The following TTC7A variants were observed in gnomAD, a reference collection of about 807,000 sequenced individuals.
The protein encoded by TTC7A is tetratricopeptide repeat domain 7A, also known as tetratricopeptide repeat protein 7A.
Under a neutral mutation model 103.7 loss-of-function variants are expected in TTC7A, and 110 were observed. That is an observed-to-expected ratio of 1.06 (90% CI 0.91 to 1.24). TTC7A has a LOEUF of 1.24. Among genes scored for constraint, TTC7A ranks in the 50% most tolerant of loss-of-function variants. The probability of loss-of-function intolerance (pLI) is 0.00; values close to 1 mark genes in which losing one functional copy is unlikely to be tolerated. For missense variants in TTC7A, 1,340 were observed against 1,116.3 expected, an observed-to-expected ratio of 1.20 and a Z score of -2.86; for synonymous variants, 521 against 467.9, an observed-to-expected ratio of 1.11 and a Z score of -1.47.
chr2:46,928,459 TAAA>T (rs35897582), intron 2 of TTC7A, among the ~76,000 whole-genome samples: 1,323 of 81,974 alleles, frequency 0.016, 24 homozygotes, highest in African/African-American at 0.047. Flanking sequence ...AAAGGGAAAT[TAAA>T]AAAAAAAAAA....
Position 47,021,734 on chromosome 2 carries a change from C to T in TTC7A, c.1393-128C>T, listed in dbSNP as rs544325161. ...GATCTCTGGGGCAAGGGAAGCTTCT[C>T]CCTGTGAGAGTAAGGCCCTGTGACC... On this transcript the variant is annotated intron_variant, in intron 11 of 19. Transcript: ENST00000319190. 3.4e-4 allele frequency: 258 copies of T among 754,200 alleles called. 2 individuals are homozygous for T. The South Asian group carries it at 3.8e-3, about 11-fold the overall frequency. 46.7% of individuals were successfully genotyped at this position (754,200 alleles called of 1,614,324 possible). A position where few individuals can be genotyped will look rare whatever the true frequency, so the allele number is the denominator to read the frequency against.
chr2:46,928,027 G>C (rs1188981194), intron 2 of TTC7A, among the ~76,000 whole-genome samples: 1 of 150,190 alleles, frequency 6.7e-6, no homozygotes, highest in East Asian at 2.0e-4. Context: ...CTAAGTAGCT[G>C]ACCACTGGCA....
chr2:47,015,414 C>G (rs981855656), intron 11 of TTC7A, among the ~76,000 whole-genome samples: 3 of 152,226 alleles, frequency 2.0e-5, no homozygotes, highest in African/African-American at 7.2e-5. Context: ...CTGATGCCAT[C>G]TCTCACCTCC....
intron 15 of TTC7A, among the ~76,000 whole-genome samples, chr2:47,037,536 A>G (rs1681246299): frequency 6.6e-6 from 1 of 152,236 alleles, no homozygotes; most frequent in African/African-American, 2.4e-5. Flanking sequence ...TGATAGCTCA[A>G]GATCACATAG....
At chr2:46,926,458 G>T (rs570677261) in intron 2 of TTC7A, among the ~76,000 whole-genome samples, 84 of 152,282 alleles carry the variant, frequency 5.5e-4, no homozygotes, top group African/African-American at 1.9e-3. Context: ...TTAAGCCTAT[G>T]GTGAGGATAG....
In TTC7A at chr2:46,916,189, G is replaced by A; in HGVS notation, c.-401G>A. Reference sequence around the variant, plus strand: ...ACAGGGCTCTTGGTTCAGGTCTCTTGGTTCGTCCTGCTGCAAGTTGGGAAG... The same window carrying A: ...ACAGGGCTCTTGGTTCAGGTCTCTTAGTTCGTCCTGCTGCAAGTTGGGAAG... On this transcript the variant is annotated 5_prime_UTR_variant, in exon 1 of 21. Transcript: ENST00000409245. 2.0e-6 allele frequency: 2 copies of A among 981,432 alleles called. 1 individual carries two copies. Among genetic ancestry groups the A allele is most frequent in the South Asian group, 9.4e-5 (2 of 21,224 alleles). 60.8% of individuals were successfully genotyped at this position (981,432 alleles called of 1,614,324 possible). A position where few individuals can be genotyped will look rare whatever the true frequency, so the allele number is the denominator to read the frequency against.
At chr2:46,927,470 C>T (rs1407684007) in intron 2 of TTC7A, among the ~76,000 whole-genome samples, 3 of 151,490 alleles carry the variant, frequency 2.0e-5, no homozygotes, top group Non-Finnish European at 4.4e-5. Flanking sequence ...CATTCTCCCA[C>T]CTCAACCTCC....
At chr2:46,920,470 C>T (rs1000622157) in intron 2 of TTC7A, among the ~76,000 whole-genome samples, 5 of 151,814 alleles carry the variant, frequency 3.3e-5, no homozygotes, top group Non-Finnish European at 7.4e-5. Context: ...GCTGGGATTA[C>T]AGGCAACAAC....
intron 2 of TTC7A, among the ~76,000 whole-genome samples, chr2:46,955,743 C>T (rs1344779995): frequency 6.6e-6 from 1 of 152,210 alleles, no homozygotes; most frequent in African/African-American, 2.4e-5. Flanking sequence ...GAGGCTTGCC[C>T]TGGGGTCACA....
intron 18 of TTC7A, among the ~76,000 whole-genome samples, chr2:47,059,652 G>T (rs190024059): frequency 3.3e-5 from 5 of 152,248 alleles, no homozygotes; most frequent in African/African-American, 9.6e-5. Flanking sequence ...CTTCTCCCTG[G>T]ACATGCAATG....
chr2:47,048,912 C>CT (rs1682589869), intron 16 of TTC7A, among the ~76,000 whole-genome samples: 1 of 152,104 alleles, frequency 6.6e-6, no homozygotes, highest in Non-Finnish European at 1.5e-5. Flanking sequence ...CTGTCTCTGG[C>CT]TTTTTTGCAC....
chr2:47,058,030 G>A (rs1160768892), intron 18 of TTC7A, among the ~76,000 whole-genome samples: 1 of 152,150 alleles, frequency 6.6e-6, no homozygotes, highest in African/African-American at 2.4e-5. Flanking sequence ...CAGTTATGAG[G>A]GCAGCCTGTT....
In TTC7A at chr2:46,941,866, G is replaced by T; in HGVS notation, c.184+141G>T. 1 of 1,050,466 alleles carries T rather than the reference G, an allele frequency of 9.5e-7. No homozygotes were observed. 65.1% of individuals were successfully genotyped at this position (1,050,466 alleles called of 1,614,324 possible). A position where few individuals can be genotyped will look rare whatever the true frequency, so the allele number is the denominator to read the frequency against. On this transcript the variant is annotated intron_variant, in intron 1 of 19. Coordinates refer to ENST00000319190, the MANE Select transcript of TTC7A (RefSeq NM_020458.4). The surrounding 1 kb of genome is among the most constrained non-coding windows in gnomAD (Gnocchi z 4.2). ...GCTAGTCTTAAGAGCAGCCAGGGCA[G>T]TTAGGAAGGTCCTTCTGCCGCGAGA...
intron 1 of TTC7A, among the ~76,000 whole-genome samples, chr2:46,947,965 G>T (rs1671073521): frequency 1.3e-5 from 2 of 152,168 alleles, no homozygotes; most frequent in African/African-American, 4.8e-5. Flanking sequence ...AGCAGCCTGG[G>T]TCCAAAGGGG....
intron 1 of TTC7A, among the ~76,000 whole-genome samples, chr2:46,947,259 A>G (rs1172103255): frequency 6.6e-6 from 1 of 152,230 alleles, no homozygotes; most frequent in Non-Finnish European, 1.5e-5. Context: ...CATCTATAAA[A>G]TGGTGATAAT....
chr2:46,992,970 C>T (rs1477637723), intron 5 of TTC7A, among the ~76,000 whole-genome samples: 2 of 152,158 alleles, frequency 1.3e-5, no homozygotes, highest in Non-Finnish European at 1.5e-5. Flanking sequence ...CTGAAAGTGG[C>T]GAGACTGGCT....
chr2:46,978,854 C>T lies in TTC7A; in HGVS notation c.711C>T (p.Thr237=). The change falls in exon 5 of 20, where the codon ACC becomes ACT. Residue 237 remains threonine, a synonymous_variant. Transcript: ENST00000319190. ...GTCACCCGCTTGACTATGAGCTCAC[C>T]TACTTCCTGGAAGCTGCCCTCCAGA... ...KGCHPLDYEL[T]YFLEAALQSA... is the part of the protein sequence containing the mutation. The T allele has an allele frequency of 6.2e-7, 1 of 1,614,132 alleles. No individual in the cohort carries two copies. Among genetic ancestry groups the T allele is most frequent in the Non-Finnish European group, 8.5e-7 (1 of 1,180,004 alleles).
At chr2:46,978,082 G>A (rs1674048821) in intron 4 of TTC7A, 1 of 152,304 alleles carries the variant, frequency 6.6e-6, no homozygotes, top group African/African-American at 2.4e-5. Context: ...CTCCTGTCCT[G>A]TGGGAGTGAA....
intron 11 of TTC7A, among the ~76,000 whole-genome samples, chr2:47,017,638 G>C (rs1678814889): frequency 6.6e-6 from 1 of 152,206 alleles, no homozygotes; most frequent in Admixed American, 6.5e-5. Flanking sequence ...GTGGACCCTG[G>C]ATAGGGGATG....
Sources: allele counts gnomAD v4.1 joint callset (sites outside exome capture counted in the v4.1 genomes callset), GRCh38; gene constraint gnomAD v4.1.1; non-coding constraint Gnocchi (gnomAD v3.1); transcripts MANE v1.5; gene names NCBI Gene and HGNC (gene_info 2026-07-23, HGNC 2026-07-21).